CLSTN2: variants seen among roughly 807,000 people sequenced by gnomAD.
The protein encoded by CLSTN2 is calsyntenin 2.
A neutral mutation model predicts 101.2 loss-of-function variants in CLSTN2; 48 were observed. The observed-to-expected ratio is 0.47, with a 90% CI of 0.38 to 0.60. The LOEUF is 0.60. Ranked by LOEUF, CLSTN2 falls within the 20% of genes least tolerant of loss-of-function variation. The probability of loss-of-function intolerance (pLI) is 0.00; values close to 1 mark genes in which losing one functional copy is unlikely to be tolerated. For synonymous variants in CLSTN2, 481 were observed against 463.6 expected (o/e 1.04, Z -0.48); for missense variants, 1,160 against 1,238.2 (o/e 0.94, Z 0.95).
At chr3:140,301,566 C>T (rs2087058895) in intron 2 of CLSTN2, among the ~76,000 whole-genome samples, 2 of 152,208 alleles carry the variant, frequency 1.3e-5, no homozygotes, top group South Asian at 2.1e-4. Context: ...CAAGTGAAAA[C>T]AGCAAATAAC....
intron 2 of CLSTN2, among the ~76,000 whole-genome samples, chr3:140,352,866 C>T (rs2087624889): frequency 1.3e-5 from 2 of 152,150 alleles, no homozygotes; most frequent in South Asian, 4.1e-4. Flanking sequence ...CTCTGCCTTA[C>T]TCAAGTTGCT....
chr3:140,537,665 T>TTCTTTATTTCTC (rs1935385940), intron 9 of CLSTN2, among the ~76,000 whole-genome samples: 1 of 152,214 alleles, frequency 6.6e-6, no homozygotes, highest in African/African-American at 2.4e-5. Context: ...AAATACCAGG[T>TTCTTTATTTCTC]TCTTTATTTC....
rs561964735 is a variant in CLSTN2 at position 140,036,058 on chromosome 3, T to C, written c.109+100575T>C. The stretch of plus-strand genomic sequence containing the variant: ...TGGCATTTATCACCACTTGTAATTA[T>C]ACACTGTGTCTTTATCTGATTAGAA... On this transcript the variant is annotated intron_variant, in intron 1 of 16. Transcript: ENST00000458420. Among the ~76,000 whole-genome samples, 49 of 152,330 alleles carry C rather than the reference T, an allele frequency of 3.2e-4. 1 individual carries two copies. In the South Asian group the frequency reaches 6.8e-3, roughly 21 times the overall value.
At chr3:140,327,867 C>T (rs774978681) in intron 2 of CLSTN2, among the ~76,000 whole-genome samples, 39 of 152,114 alleles carry the variant, frequency 2.6e-4, no homozygotes, top group Non-Finnish European at 4.0e-4. Flanking sequence ...ATATACTTAG[C>T]GATAGGTACA....
chr3:140,536,845 C>G (rs2107781868), intron 9 of CLSTN2, among the ~76,000 whole-genome samples: 1 of 152,284 alleles, frequency 6.6e-6, no homozygotes, highest in South Asian at 2.1e-4. Context: ...TGTACGTGAA[C>G]CAGAAAGAGT....
intron 7 of CLSTN2, among the ~76,000 whole-genome samples, chr3:140,461,920 T>C (rs1933572948): frequency 6.6e-6 from 1 of 151,076 alleles, no homozygotes; most frequent in Non-Finnish European, 1.5e-5. Context: ...AAAAAATCTA[T>C]AAATACCCCA....
intron 1 of CLSTN2, among the ~76,000 whole-genome samples, chr3:140,133,527 A>G (rs1019132710): frequency 3.3e-5 from 5 of 152,146 alleles, no homozygotes; most frequent in Non-Finnish European, 5.9e-5. Context: ...TAAATCCATA[A>G]CCAGGGACTG....
chr3:140,237,000 C>T lies in CLSTN2; in HGVS notation c.232+60927C>T, dbSNP rs370746412. 3.9e-4 allele frequency among the ~76,000 whole-genome samples: 60 copies of T among 152,030 alleles called. No individual in the cohort carries two copies. The South Asian group carries it at 9.4e-3, about 24-fold the overall frequency. ...TGTGTCACTTCTGGGTCTATTTCTA[C>T]GAACTATCTCTTCTCCTTATCATGA... On this transcript the variant is annotated intron_variant, in intron 2 of 16. Transcript: ENST00000458420.
chr3:140,099,805 CA>C (rs753276264), intron 1 of CLSTN2, among the ~76,000 whole-genome samples: 17 of 152,276 alleles, frequency 1.1e-4, no homozygotes, highest in East Asian at 5.8e-4. Context: ...AAGAAAATGG[CA>C]GTCACAGGTT....
At chr3:140,385,514 G>A (rs2088041416) in intron 2 of CLSTN2, among the ~76,000 whole-genome samples, 1 of 151,728 alleles carries the variant, frequency 6.6e-6, no homozygotes, top group African/African-American at 2.4e-5. Context: ...GACTACAGGT[G>A]CCCACCACCA....
intron 2 of CLSTN2, among the ~76,000 whole-genome samples, chr3:140,215,281 C>G (rs551484848): frequency 6.6e-6 from 1 of 152,258 alleles, no homozygotes; most frequent in South Asian, 2.1e-4. Context: ...TTTCCCCTTA[C>G]TTGTGTTTTA....
intron 7 of CLSTN2, among the ~76,000 whole-genome samples, chr3:140,461,728 C>T (rs1933567268): frequency 6.6e-6 from 1 of 152,116 alleles, no homozygotes; most frequent in Non-Finnish European, 1.5e-5. Context: ...TAATGGGAAG[C>T]CATGGCTGAA....
At chr3:140,405,697 T>G (rs2107980139) in intron 4 of CLSTN2, among the ~76,000 whole-genome samples, 1 of 152,270 alleles carries the variant, frequency 6.6e-6, no homozygotes, top group South Asian at 2.1e-4. Context: ...AATAGAAAAC[T>G]CATTGTAGTA....
intron 1 of CLSTN2, among the ~76,000 whole-genome samples, chr3:140,158,392 A>G (rs920190501): frequency 2.0e-5 from 3 of 150,830 alleles, no homozygotes; most frequent in Non-Finnish European, 4.4e-5. Context: ...TAGAATTTCC[A>G]TATACCAATA....
At chr3:140,087,074 C>G (rs982012993) in intron 1 of CLSTN2, among the ~76,000 whole-genome samples, 1 of 151,968 alleles carries the variant, frequency 6.6e-6, no homozygotes, top group East Asian at 1.9e-4. Flanking sequence ...GTTTGAAGAC[C>G]TTTTGTTTGG....
At chr3:140,269,462 G>A (rs1294307854) in intron 2 of CLSTN2, among the ~76,000 whole-genome samples, 3 of 152,210 alleles carry the variant, frequency 2.0e-5, no homozygotes, top group East Asian at 1.9e-4. Context: ...ATGGCTGAGA[G>A]TTCAGCGACA....
intron 1 of CLSTN2, among the ~76,000 whole-genome samples, chr3:140,017,644 G>A (rs112482267): frequency 1.3e-5 from 2 of 152,208 alleles, no homozygotes; most frequent in African/African-American, 4.8e-5. Flanking sequence ...GTTGGGCAGC[G>A]GGGCCCATCA....
intron 2 of CLSTN2, among the ~76,000 whole-genome samples, chr3:140,224,203 GC>G (rs1388934276): frequency 6.6e-6 from 1 of 152,042 alleles, no homozygotes; most frequent in Non-Finnish European, 1.5e-5. Context: ...CCCCAGCCTG[GC>G]CCCCTCCTAT....
intron 1 of CLSTN2, among the ~76,000 whole-genome samples, chr3:140,075,254 C>G (rs1469710700): frequency 2.6e-5 from 4 of 151,798 alleles, no homozygotes; most frequent in African/African-American, 4.8e-5. Flanking sequence ...TTCTCTTTTT[C>G]TAGTTTAGGT....
Sources: gnomAD v4.1 joint callset for allele counts (sites outside exome capture counted in the v4.1 genomes callset) on GRCh38, gnomAD v4.1.1 for gene constraint, MANE v1.5 for transcripts, NCBI Gene and HGNC (gene_info 2026-07-23, HGNC 2026-07-21) for gene names.